Variants in ANK3 observed in about 807,000 individuals in gnomAD.
The protein encoded by ANK3 is ankyrin-3.
ANK3 carries 57 observed loss-of-function variants against 370.9 expected under a neutral mutation model. That is an observed-to-expected ratio of 0.15 (90% CI 0.12 to 0.19). The LOEUF (loss-of-function observed/expected upper bound fraction) is 0.19, where lower values mean the gene tolerates loss of function less well. Among genes scored for constraint, ANK3 ranks in the 10% least tolerant of loss-of-function variants. The pLI is 1.00. For missense variants in ANK3, 4,439 were observed against 5,302.1 expected, an observed-to-expected ratio of 0.84 and a Z score of 5.06; for synonymous variants, 1,929 against 1,946.3, an observed-to-expected ratio of 0.99 and a Z score of 0.23.
At chr10:60,434,929 A>G (rs2064119913) in intron 2 of ANK3, among the ~76,000 whole-genome samples, 1 of 152,142 alleles carries the variant, frequency 6.6e-6, no homozygotes. Flanking sequence ...CTTTTTTTCA[A>G]AGAGGATTAT....
At chr10:60,618,704 G>T (rs957056624) in intron 1 of ANK3, among the ~76,000 whole-genome samples, 2 of 152,076 alleles carry the variant, frequency 1.3e-5, no homozygotes, top group African/African-American at 4.8e-5. Context: ...CACCCATTAG[G>T]GTTGAAGGTG....
intron 2 of ANK3, among the ~76,000 whole-genome samples, chr10:60,564,500 C>A (rs1447978646): frequency 5.9e-5 from 9 of 152,200 alleles, no homozygotes; most frequent in Admixed American, 5.9e-4. Flanking sequence ...GGTCTGCCAG[C>A]ACACCACCAA....
chr10:60,183,109 C>CGTAA (rs141453500), intron 17 of ANK3, among the ~76,000 whole-genome samples: 2,634 of 152,304 alleles, frequency 0.017, 78 homozygotes, highest in African/African-American at 0.061. Context: ...GCTCAGCTGG[C>CGTAA]TTACCCACTC....
At chr10:60,372,613 G>C (rs2060250553) in intron 1 of ANK3, among the ~76,000 whole-genome samples, 1 of 152,142 alleles carries the variant, frequency 6.6e-6, no homozygotes, top group South Asian at 2.1e-4. Flanking sequence ...GACATTTCCA[G>C]TCACAGGCAA....
Position 60,074,249 on chromosome 10 carries a change from C to G in ANK3, c.6632G>C (p.Ser2211Thr). Residue 2211 changes from serine to threonine, a missense_variant, in exon 37 of 44, where the codon AGT (serine) becomes ACT (threonine). Ser to Thr is a moderately conservative substitution (Grantham distance 58). Transcript: ENST00000280772. Reference protein sequence around the residue: ...MELEPKPTTSSIKEKVKAFQM... With the variant: ...MELEPKPTTSTIKEKVKAFQM... The stretch of plus-strand genomic sequence containing the variant: ...AAATGCTTTAACCTTTTCTTTAATA[C>G]TAGAGGTGGTGGGCTTTGGTTCCAA... The G allele has an allele frequency of 6.2e-7, 1 of 1,614,074 alleles. No individual in the cohort carries two copies.
chr10:60,336,036 C>T (rs78883134), intron 1 of ANK3, among the ~76,000 whole-genome samples: 1,529 of 151,438 alleles, frequency 0.01, 30 homozygotes, highest in African/African-American at 0.035. Flanking sequence ...TCTTCGGATG[C>T]GGAAGTTTGA....
chr10:60,281,684 T>C (rs2098165666), intron 1 of ANK3, among the ~76,000 whole-genome samples: 4 of 152,196 alleles, frequency 2.6e-5, no homozygotes, highest in Admixed American at 1.3e-4. Context: ...GAAATAACTA[T>C]TAATTAAAGT....
chr10:60,338,354 C>G (rs1266221897), intron 1 of ANK3, among the ~76,000 whole-genome samples: 2 of 152,144 alleles, frequency 1.3e-5, no homozygotes, highest in African/African-American at 4.8e-5. Flanking sequence ...GATTACTGGG[C>G]CCCACACCTC....
chr10:60,264,003 C>A lies in ANK3; in HGVS notation c.531G>T (p.Leu177Phe). The A allele has an allele frequency of 6.2e-7, 1 of 1,613,990 alleles. No homozygotes were observed. The highest frequency in any genetic ancestry group is 8.5e-7 in the Non-Finnish European group (1 of 1,179,978). Residue 177 changes from leucine (L) to phenylalanine (F), a missense_variant, in exon 6 of 44, where the codon TTG becomes TTT. Coordinates refer to ENST00000280772, the MANE Select transcript of ANK3 (RefSeq NM_020987.5). Reference sequence around the variant, plus strand: ...CGTGACCTTGTTGCAAAGCCACTGCCAATGGTGTGAAGCCATCCTGCAAAT... The same window carrying A: ...CGTGACCTTGTTGCAAAGCCACTGCAAATGGTGTGAAGCCATCCTGCAAAT... ...SLATEDGFTP[L>F]AVALQQGHDQ...
chr10:60,070,691 A>G lies in ANK3; in HGVS notation c.10190T>C (p.Ile3397Thr). The change falls in exon 37 of 44, where the codon ATT becomes ACT. Residue 3397 changes from isoleucine to threonine, a missense_variant. Ile to Thr is a moderately conservative substitution (Grantham distance 89, BLOSUM62 -1). Coordinates refer to ENST00000280772, the MANE Select transcript of ANK3 (RefSeq NM_020987.5). The surrounding 1 kb of genome is among the most constrained non-coding windows in gnomAD (Gnocchi z 5.7). ...NNDQSITECSIATTAEFSHDT... is the reference protein window; with the variant it reads ...NNDQSITECSTATTAEFSHDT... ...ATGAGAAAACTCTGCTGTGGTGGCA[A>G]TGGAACACTCTGTGATGGACTGGTC... 6.2e-7 allele frequency: 1 copy of G among 1,614,182 alleles called. No homozygotes were observed. The highest frequency in any genetic ancestry group is 1.1e-5 in the South Asian group (1 of 91,076).
intron 2 of ANK3, among the ~76,000 whole-genome samples, chr10:60,438,921 A>G (rs1343347860): frequency 6.6e-6 from 1 of 152,210 alleles, no homozygotes; most frequent in African/African-American, 2.4e-5. Flanking sequence ...TCACAGAATG[A>G]ACATCTCTCC....
intron 2 of ANK3, among the ~76,000 whole-genome samples, chr10:60,441,124 G>A (rs4948420): frequency 0.1 from 15,784 of 152,134 alleles, 905 homozygotes; most frequent in Admixed American, 0.15. Flanking sequence ...AATATTAACC[G>A]TTGCCAGTCA....
intron 23 of ANK3, among the ~76,000 whole-genome samples, chr10:60,155,195 T>C (rs979728809): frequency 1.4e-4 from 22 of 152,078 alleles, no homozygotes; most frequent in African/African-American, 5.3e-4. Flanking sequence ...AAGACAGTCT[T>C]GCATTATCTA....
At position 60,038,739 on chromosome 10, in the gene ANK3, C is replaced by T. The variant is rs537794491; in HGVS notation, c.*19+3933G>A. 3.3e-5 allele frequency among the ~76,000 whole-genome samples: 5 copies of T among 152,192 alleles called. No individual in the cohort carries two copies. The South Asian group carries it at 1.0e-3, about 32-fold the overall frequency. ...ATCTTGTGCCTATCTTACCTACCACCAGCTCACCTAACATATTTGAAGAAA... is the reference window on the plus strand; with the variant it reads ...ATCTTGTGCCTATCTTACCTACCACTAGCTCACCTAACATATTTGAAGAAA... On this transcript the variant is annotated intron_variant, in intron 43 of 43. Coordinates refer to ENST00000280772, the MANE Select transcript of ANK3 (RefSeq NM_020987.5).
chr10:60,525,970 A>G (rs2076461071), intron 2 of ANK3, among the ~76,000 whole-genome samples: 1 of 152,126 alleles, frequency 6.6e-6, no homozygotes, highest in Non-Finnish European at 1.5e-5. Context: ...AAGCTCTTTC[A>G]GAGATTGCAG....
chr10:60,653,801 G>A (rs935041904), intron 1 of ANK3, among the ~76,000 whole-genome samples: 3 of 151,912 alleles, frequency 2.0e-5, no homozygotes, highest in African/African-American at 7.2e-5. Context: ...CCAGGAGGCT[G>A]AGGCTGCAGT....
At chr10:60,138,916 A>T in intron 24 of ANK3, 48 bp downstream of exon 24, 1 of 1,602,994 alleles carries the variant, frequency 6.2e-7, no homozygotes, top group Admixed American at 1.8e-5. Context: ...TTTATGACAA[A>T]TCATGGTTGT....
intron 5 of ANK3, among the ~76,000 whole-genome samples, chr10:60,267,187 C>T (rs893196179): frequency 2.0e-5 from 3 of 152,088 alleles, no homozygotes; most frequent in Non-Finnish European, 2.9e-5. Flanking sequence ...TTTAAAGGAT[C>T]CTTTAATTGC....
At chr10:60,209,900 T>C (rs1217651947) in intron 9 of ANK3, among the ~76,000 whole-genome samples, 1 of 151,944 alleles carries the variant, frequency 6.6e-6, no homozygotes, top group Non-Finnish European at 1.5e-5. Context: ...ACAATGATTG[T>C]GTGGATGGGA....
Sources: gnomAD v4.1 joint callset for allele counts (sites outside exome capture counted in the v4.1 genomes callset) on GRCh38, gnomAD v4.1.1 for gene constraint, Gnocchi (gnomAD v3.1) non-coding constraint, MANE v1.5 for transcripts, NCBI Gene and HGNC (gene_info 2026-07-23, HGNC 2026-07-21) for gene names.